The following RAB28 variants were observed in gnomAD, a reference collection of about 807,000 sequenced individuals.
RAB28 encodes RAB28, member RAS oncogene family, also known as ras-related protein Rab-28.
In RAB28, 24 loss-of-function variants were observed where a neutral mutation model predicts 31.7. The ratio of observed to expected loss-of-function variants is 0.76; its 90% confidence interval spans 0.55 to 1.06. RAB28 has a LOEUF of 1.06. Among genes scored for constraint, RAB28 ranks in the 50% least tolerant of loss-of-function variants. RAB28 has a pLI of 0.00. For synonymous variants in RAB28, 100 were observed against 90.4 expected (o/e 1.11, Z -0.60); for missense variants, 254 against 258.5 (o/e 0.98, Z 0.12).
chr4:13,432,594 T>C (rs899189470), intron 4 of RAB28, among the ~76,000 whole-genome samples: 25 of 152,130 alleles, frequency 1.6e-4, no homozygotes, highest in African/African-American at 6.0e-4. Context: ...AGTGAACTTC[T>C]CAGCAGAAAT....
At chr4:13,420,187 C>T (rs983109078) in intron 4 of RAB28, among the ~76,000 whole-genome samples, 1 of 152,120 alleles carries the variant, frequency 6.6e-6, no homozygotes. Flanking sequence ...GAAACATACA[C>T]CCTCCCAAGA....
At position 13,368,066 on chromosome 4, in the gene RAB28, T is replaced by G. The variant is rs1728575573; in HGVS notation, c.*492A>C. 1 of 977,212 alleles carries G rather than the reference T, an allele frequency of 1.0e-6. No homozygotes were observed. The highest frequency in any genetic ancestry group is 1.2e-6 in the Non-Finnish European group (1 of 822,560). The allele number at this position is 977,212 out of a possible 1,614,324, so 60.5% of individuals were successfully genotyped here. ...TTCAGTTAGAAACAGCTTTATATAC[T>G]TTTACTCACGATAGCGAAAGAATGT... On this transcript the variant is annotated 3_prime_UTR_variant, in exon 7 of 7. Coordinates refer to ENST00000330852, the MANE Select transcript of RAB28 (RefSeq NM_001017979.3).
chr4:13,448,160 C>T (rs556461577), intron 4 of RAB28, among the ~76,000 whole-genome samples: 21 of 152,210 alleles, frequency 1.4e-4, no homozygotes, highest in Admixed American at 9.2e-4. Flanking sequence ...TCCACAACCA[C>T]TGCAAATACA....
chr4:13,481,094 C>G (rs1290100251), intron 1 of RAB28, among the ~76,000 whole-genome samples: 1 of 151,956 alleles, frequency 6.6e-6, no homozygotes, highest in Non-Finnish European at 1.5e-5. Context: ...TAATTTTTCA[C>G]TTTAAAGAAT....
intron 4 of RAB28, among the ~76,000 whole-genome samples, chr4:13,392,021 AT>A (rs1729655737): frequency 6.6e-6 from 1 of 152,152 alleles, no homozygotes; most frequent in African/African-American, 2.4e-5. Flanking sequence ...ATTTACCAAC[AT>A]GGCAAATGTA....
chr4:13,376,688 G>A, intron 5 of RAB28, 66 bp from the exon 6 acceptor site: 2 of 1,087,774 alleles, frequency 1.8e-6, no homozygotes, highest in African/African-American at 1.6e-5. Flanking sequence ...CAAATAAACA[G>A]AATTTTCTTA....
At chr4:13,457,066 C>T (rs1715338487) in intron 4 of RAB28, among the ~76,000 whole-genome samples, 1 of 152,192 alleles carries the variant, frequency 6.6e-6, no homozygotes, top group Non-Finnish European at 1.5e-5. Flanking sequence ...CCACAGCCTA[C>T]ACATTTCTTT....
chr4:13,460,081 T>A (rs1715515623), intron 4 of RAB28, among the ~76,000 whole-genome samples: 1 of 152,232 alleles, frequency 6.6e-6, no homozygotes, highest in Non-Finnish European at 1.5e-5. Flanking sequence ...ATTTGCTCAC[T>A]CCAGAAAAGC....
At chr4:13,424,304 T>G (rs549015747) in intron 4 of RAB28, among the ~76,000 whole-genome samples, 1 of 152,274 alleles carries the variant, frequency 6.6e-6, no homozygotes, top group East Asian at 1.9e-4. Context: ...AAGGAAGAAT[T>G]TTTCCTTGCC....
In RAB28 at chr4:13,484,125, T is replaced by A. The variant is rs1432867668; in HGVS notation, c.26A>T (p.Gln9Leu). ...CACGACGATTTTCAGTTGCCGGTCC[T>A]GGCTCTCCTCCTCAGAGTCCGACAT... is the stretch of plus-strand genomic sequence containing the variant. The part of the protein sequence containing the change: MSDSEEES[Q>L]DRQLKIVVLG... Residue 9 changes from glutamine (Q) to leucine (L), a missense_variant, in exon 1 of 7, where the codon CAG becomes CTG. Gln to Leu is a moderately radical substitution (Grantham distance 113). Coordinates refer to ENST00000330852, the MANE Select transcript of RAB28 (RefSeq NM_001017979.3). 4 of 1,597,838 alleles carry A rather than the reference T, an allele frequency of 2.5e-6. No individual in the cohort carries two copies. The Admixed American group carries it at 5.1e-5, about 20-fold the overall frequency.
chr4:13,371,307 T>C (rs1206165569), intron 6 of RAB28: 6 of 985,066 alleles, frequency 6.1e-6, no homozygotes, highest in Non-Finnish European at 7.2e-6. Flanking sequence ...GGGGGGTACA[T>C]CAGTGAAATA....
intron 4 of RAB28, among the ~76,000 whole-genome samples, chr4:13,396,673 C>T (rs964768994): frequency 6.6e-6 from 1 of 151,974 alleles, no homozygotes. Flanking sequence ...AATTTAAAGA[C>T]CTCAATGCAG....
chr4:13,474,004 A>G (rs1419580316), intron 3 of RAB28: 2 of 413,268 alleles, frequency 4.8e-6, no homozygotes, highest in Admixed American at 3.4e-5. Flanking sequence ...AGCAGTCACT[A>G]TAACAAAACC....
chr4:13,422,611 G>A (rs28496681), intron 4 of RAB28, among the ~76,000 whole-genome samples: 2,546 of 152,166 alleles, frequency 0.017, 69 homozygotes, highest in African/African-American at 0.057. Flanking sequence ...GGACATGGAC[G>A]AAGCTGGAAA....
chr4:13,455,343 C>T (rs1217583812), intron 4 of RAB28, among the ~76,000 whole-genome samples: 1 of 152,170 alleles, frequency 6.6e-6, no homozygotes, highest in Admixed American at 6.5e-5. Context: ...GGCAGGTTTG[C>T]CCTGGGGAGG....
At chr4:13,476,255 G>A (rs572150981) in intron 2 of RAB28, among the ~76,000 whole-genome samples, 39 of 151,536 alleles carry the variant, frequency 2.6e-4, no homozygotes, top group African/African-American at 9.2e-4. Flanking sequence ...ATCATATCAA[G>A]ACCCTAAATC....
chr4:13,473,274 T>G lies in RAB28; in HGVS notation c.261+1044A>C, dbSNP rs578124508. 4.9e-4 allele frequency among the ~76,000 whole-genome samples: 75 copies of G among 152,000 alleles called. 1 individual carries two copies. Among genetic ancestry groups the G allele is most frequent in the Non-Finnish European group, 9.1e-4 (62 of 67,908 alleles). On this transcript the variant is annotated intron_variant, in intron 3 of 6. Coordinates refer to ENST00000330852, the MANE Select transcript of RAB28 (RefSeq NM_001017979.3). ...ATGTTTCCACATAACCAAGTTGTAT[T>G]TGTCTCACTTAAAATACCAAACTCC... is the stretch of plus-strand genomic sequence containing the variant.
At chr4:13,447,027 G>A (rs185200431) in intron 4 of RAB28, among the ~76,000 whole-genome samples, 34 of 152,090 alleles carry the variant, frequency 2.2e-4, no homozygotes, top group African/African-American at 7.5e-4. Flanking sequence ...TTGGCATTAC[G>A]TTGCTTCTTC....
chr4:13,427,964 C>T (rs944632822), intron 4 of RAB28, among the ~76,000 whole-genome samples: 3 of 152,176 alleles, frequency 2.0e-5, no homozygotes, highest in Admixed American at 2.0e-4. Flanking sequence ...TGAGCAATTC[C>T]TGTCCCTTTT....
Sources: gnomAD v4.1 joint callset for allele counts (sites outside exome capture counted in the v4.1 genomes callset) on GRCh38, gnomAD v4.1.1 for gene constraint, MANE v1.5 for transcripts, NCBI Gene and HGNC (gene_info 2026-07-23, HGNC 2026-07-21) for gene names.